Variants in PDE5A observed in about 807,000 individuals in gnomAD.
PDE5A encodes cGMP-specific 3',5'-cyclic phosphodiesterase.
A neutral mutation model predicts 110.2 loss-of-function variants in PDE5A; 67 were observed. That is an observed-to-expected ratio of 0.61 (90% CI 0.50 to 0.75). The LOEUF (loss-of-function observed/expected upper bound fraction) is 0.75, where lower values mean the gene tolerates loss of function less well. Ranked by LOEUF, PDE5A falls within the 30% of genes least tolerant of loss-of-function variation. The pLI is 0.00. For missense variants in PDE5A, 862 were observed against 1,045.1 expected, an observed-to-expected ratio of 0.82 and a Z score of 2.42; for synonymous variants, 328 against 351.2, an observed-to-expected ratio of 0.93 and a Z score of 0.74.
At chr4:119,577,862 A>C (rs1728420420) in intron 3 of PDE5A, among the ~76,000 whole-genome samples, 1 of 152,200 alleles carries the variant, frequency 6.6e-6, no homozygotes, top group African/African-American at 2.4e-5. Flanking sequence ...GAAGGAAATA[A>C]AGGGTATTCA....
intron 1 of PDE5A, among the ~76,000 whole-genome samples, chr4:119,621,576 T>C (rs1400188876): frequency 2.0e-5 from 3 of 151,958 alleles, no homozygotes; most frequent in Non-Finnish European, 4.4e-5. Flanking sequence ...GATAAATAGA[T>C]GCAAGGAAGG....
chr4:119,548,294 C>CG (rs1187682416), intron 9 of PDE5A: 1 of 151,708 alleles, frequency 6.6e-6, no homozygotes, highest in Admixed American at 6.6e-5. Context: ...GTGATCCGCC[C>CG]GCCTCGGCCT....
rs1730406980 is a variant in PDE5A at position 119,627,592 on chromosome 4, C to T, written c.152+928G>A. On this transcript the variant is annotated intron_variant, in intron 1 of 20. Coordinates refer to ENST00000354960, the MANE Select transcript of PDE5A (RefSeq NM_001083.4). The surrounding 1 kb of genome is among the most constrained non-coding windows in gnomAD (Gnocchi z 4.6). ...GCACCCCGACTATGCATCAATTCCT[C>T]AGGCTTCGGGGCACCCGCCCGCCAA... is the stretch of plus-strand genomic sequence containing the variant. The T allele has an allele frequency of 6.5e-6, 1 of 152,710 alleles. No homozygotes were observed. Among genetic ancestry groups the T allele is most frequent in the South Asian group, 2.1e-4 (1 of 4,836 alleles). 9.5% of individuals were successfully genotyped at this position (152,710 alleles called of 1,614,324 possible).
At chr4:119,538,756 A>G (rs2110484003) in intron 11 of PDE5A, 1 of 489,148 alleles carries the variant, frequency 2.0e-6, no homozygotes, top group East Asian at 3.2e-5. Context: ...TTACTGGAAA[A>G]CAAATATCAG....
intron 3 of PDE5A, among the ~76,000 whole-genome samples, chr4:119,594,380 G>C (rs1729082190): frequency 6.6e-6 from 1 of 152,066 alleles, no homozygotes; most frequent in Admixed American, 6.6e-5. Flanking sequence ...CTGTTTTGGG[G>C]GCCACGATTT....
chr4:119,516,283 C>T lies in PDE5A; in HGVS notation c.2000+2762G>A, dbSNP rs1194461479. On this transcript the variant is annotated intron_variant, in intron 14 of 20. Transcript: ENST00000354960. ...TAGTGATCACTATTACTTCATGAGA[C>T]TATGACAATTCTTAATGGCAAGAAT... is the stretch of plus-strand genomic sequence containing the variant. 2.0e-5 allele frequency among the ~76,000 whole-genome samples: 3 copies of T among 152,196 alleles called. No homozygotes were observed. The East Asian group carries it at 5.8e-4, about 29-fold the overall frequency.
At position 119,501,172 on chromosome 4, in the gene PDE5A, C is replaced by G. The variant is rs199573045; in HGVS notation, c.2488G>C (p.Glu830Gln). 5.5e-5 allele frequency: 87 copies of G among 1,593,080 alleles called. No homozygotes were observed. In the African/African-American group the frequency reaches 1.0e-3, roughly 19 times the overall value. Residue 830 changes from glutamate (E) to glutamine (Q), a missense_variant and splice_region_variant, in exon 20 of 21, where the codon GAG becomes CAG. Coordinates refer to ENST00000354960, the MANE Select transcript of PDE5A (RefSeq NM_001083.4). ...TCTAGTAGTTTTCATATAAATACCT[C>G]ATACAGTTGCAAGCAGATGGCATCT... Reference protein sequence around the residue: ...FIDAICLQLYEALTHVSEDCF... With the variant: ...FIDAICLQLYQALTHVSEDCF...
At chr4:119,617,006 A>G (rs1729966758) in intron 1 of PDE5A, among the ~76,000 whole-genome samples, 1 of 152,184 alleles carries the variant, frequency 6.6e-6, no homozygotes, top group East Asian at 1.9e-4. Context: ...GGATATTTAA[A>G]TAGATTTGTA....
At chr4:119,592,233 A>T (rs372651373) in intron 3 of PDE5A, among the ~76,000 whole-genome samples, 1 of 148,456 alleles carries the variant, frequency 6.7e-6, no homozygotes, top group South Asian at 2.1e-4. Flanking sequence ...AGGTGGGCGG[A>T]TCACAAGGTC....
chr4:119,500,694 A>AT (rs1725280086), intron 20 of PDE5A: 1 of 151,188 alleles, frequency 6.6e-6, no homozygotes, highest in Non-Finnish European at 1.5e-5. Flanking sequence ...TACAATAACC[A>AT]CCCCCCCTCC....
chr4:119,521,068 G>A lies in PDE5A; in HGVS notation c.1780-8C>T. Reference sequence around the variant, plus strand: ...AATCCATCTGCAAAGAACCTTTAGGGAATAAAACATAAGTAGTAACAATAA... The same window carrying A: ...AATCCATCTGCAAAGAACCTTTAGGAAATAAAACATAAGTAGTAACAATAA... On this transcript the variant is annotated splice_polypyrimidine_tract_variant and splice_region_variant and intron_variant, in intron 12 of 20. Transcript: ENST00000354960. 1 of 1,609,568 alleles carries A rather than the reference G, an allele frequency of 6.2e-7. No homozygotes were observed. The highest frequency in any genetic ancestry group is 8.5e-7 in the Non-Finnish European group (1 of 1,177,360).
intron 1 of PDE5A, among the ~76,000 whole-genome samples, chr4:119,621,117 A>T (rs1730127241): frequency 6.6e-6 from 1 of 152,226 alleles, no homozygotes; most frequent in Non-Finnish European, 1.5e-5. Flanking sequence ...TGTAACTATG[A>T]TTAAATTATA....
At chr4:119,619,215 G>A (rs1400338075) in intron 1 of PDE5A, among the ~76,000 whole-genome samples, 2 of 152,108 alleles carry the variant, frequency 1.3e-5, no homozygotes, top group Admixed American at 6.6e-5. Context: ...ATTTTATACA[G>A]TTTCAGTTAC....
Position 119,627,068 on chromosome 4 carries a change from G to C in PDE5A, c.152+1452C>G. The C allele has an allele frequency of 6.6e-7, 1 of 1,509,680 alleles. No individual in the cohort carries two copies. The highest frequency in any genetic ancestry group is 9.1e-7 in the Non-Finnish European group (1 of 1,096,542). 93.5% of individuals were successfully genotyped at this position (1,509,680 alleles called of 1,614,324 possible). On this transcript the variant is annotated intron_variant, in intron 1 of 20. Transcript: ENST00000354960. This position sits in a 1 kb window ranked among gnomAD's most constrained non-coding sequence, Gnocchi z 4.6. ...ATACATCGTCCCACTGGTGCCACCGGGGCGCCACCACCCAGCACCCGAGAC... is the reference window on the plus strand; with the variant it reads ...ATACATCGTCCCACTGGTGCCACCGCGGCGCCACCACCCAGCACCCGAGAC...
chr4:119,542,459 C>T lies in PDE5A; in HGVS notation c.1572G>A (p.Glu524=). 2.5e-6 allele frequency: 4 copies of T among 1,613,500 alleles called. No homozygotes were observed. Among genetic ancestry groups the T allele is most frequent in the East Asian group, 2.2e-5 (1 of 44,858 alleles). The part of the protein sequence containing the change: ...RAMAKQMVTL[E]VLSYHASAAE... ...TGAGAGGTCCCTAAACTTCACCCAC[C>T]TCCAATGTGACCATTTGCTTGGCCA... The change falls in exon 10 of 21, where the codon GAG becomes GAA. Residue 524 remains glutamate, a splice_region_variant and synonymous_variant. Transcript: ENST00000354960.
At chr4:119,612,146 G>C (rs1729776022) in intron 1 of PDE5A, among the ~76,000 whole-genome samples, 1 of 152,150 alleles carries the variant, frequency 6.6e-6, no homozygotes. Context: ...ATAGTATTAG[G>C]AGGTGGGGCC....
chr4:119,548,044 A>ATTTTTTTTTT (rs11438089), intron 9 of PDE5A, among the ~76,000 whole-genome samples: 1 of 94,784 alleles, frequency 1.1e-5, no homozygotes, highest in Non-Finnish European at 1.9e-5. Context: ...TTCTCCGTGT[A>ATTTTTTTTTT]TTTTTTTTTT....
rs769969841 is a variant in PDE5A, at chr4:119,606,767, C to A, written c.683G>T (p.Gly228Val). The A allele has an allele frequency of 2.5e-6, 4 of 1,614,044 alleles. No homozygotes were observed. The highest frequency in any genetic ancestry group is 2.5e-6 in the Non-Finnish European group (3 of 1,180,040). Reference sequence around the variant, plus strand: ...AAGCGCTGCCACATGTCCCACAATGCCTTTGTTCCATTCTAAGCGGATACA... The same window carrying A: ...AAGCGCTGCCACATGTCCCACAATGACTTTGTTCCATTCTAAGCGGATACA... Reference protein sequence around the residue: ...NNCIRLEWNKGIVGHVAALGE... With the variant: ...NNCIRLEWNKVIVGHVAALGE... Residue 228 changes from glycine to valine, a missense_variant, in exon 2 of 21, where the codon GGC becomes GTC. Coordinates refer to ENST00000354960, the MANE Select transcript of PDE5A (RefSeq NM_001083.4).
intron 11 of PDE5A, among the ~76,000 whole-genome samples, chr4:119,533,695 TAAGA>T (rs1329475181): frequency 6.6e-6 from 1 of 152,124 alleles, no homozygotes; most frequent in South Asian, 2.1e-4. Context: ...TAAATCTCAA[TAAGA>T]AAGAGGCACC....
Sources: gnomAD v4.1 joint callset for allele counts (sites outside exome capture counted in the v4.1 genomes callset) on GRCh38, gnomAD v4.1.1 for gene constraint, Gnocchi (gnomAD v3.1) non-coding constraint, MANE v1.5 for transcripts, NCBI Gene and HGNC (gene_info 2026-07-23, HGNC 2026-07-21) for gene names.